BAZ2B: variants seen among roughly 807,000 people sequenced by gnomAD.
BAZ2B encodes the protein bromodomain adjacent to zinc finger domain protein 2B.
Under a neutral mutation model 246.0 loss-of-function variants are expected in BAZ2B, and 91 were observed. The observed-to-expected ratio is 0.37, with a 90% CI of 0.31 to 0.44. The LOEUF (loss-of-function observed/expected upper bound fraction) is 0.44. Ranked by LOEUF, BAZ2B falls within the 20% of genes least tolerant of loss-of-function variation. BAZ2B has a pLI of 1.00. For synonymous variants in BAZ2B, 855 were observed against 860.0 expected, an observed-to-expected ratio of 0.99 and a Z score of 0.10; for missense variants, 2,332 against 2,533.7, an observed-to-expected ratio of 0.92 and a Z score of 1.71.
At chr2:159,419,214 C>T (rs2068295445) in intron 13 of BAZ2B, among the ~76,000 whole-genome samples, 1 of 151,994 alleles carries the variant, frequency 6.6e-6, no homozygotes, top group Non-Finnish European at 1.5e-5. Context: ...ATTTACATTA[C>T]AGATGAGAGA....
chr2:159,528,066 C>T (rs1001987103), intron 2 of BAZ2B, among the ~76,000 whole-genome samples: 1 of 152,130 alleles, frequency 6.6e-6, no homozygotes, highest in Non-Finnish European at 1.5e-5. Flanking sequence ...AAGCAGGAGA[C>T]AGGCTGTGGA....
chr2:159,654,759 C>T, the BAZ2B span, among the ~76,000 whole-genome samples: 1 of 152,018 alleles, frequency 6.6e-6, no homozygotes, highest in African/African-American at 2.4e-5. Context: ...GAGCTCAGGG[C>T]TTCAAGACCA....
At chr2:159,561,685 T>C (rs7568198) in intron 1 of BAZ2B, among the ~76,000 whole-genome samples, 18,231 of 152,234 alleles carry the variant, frequency 0.12, 1,261 homozygotes, top group Middle Eastern at 0.22. Context: ...TCAGAAACCA[T>C]AGCTGGACTG....
At chr2:159,327,791 C>T (rs1382203027) in intron 34 of BAZ2B, among the ~76,000 whole-genome samples, 7 of 152,112 alleles carry the variant, frequency 4.6e-5, no homozygotes, top group Non-Finnish European at 2.9e-5. Flanking sequence ...GGGCCAGGCG[C>T]GGTAACTCAC....
intron 2 of BAZ2B, among the ~76,000 whole-genome samples, chr2:159,546,532 T>C (rs1005256069): frequency 6.7e-6 from 1 of 149,808 alleles, no homozygotes; most frequent in Non-Finnish European, 1.5e-5. Context: ...TCTACTCAAA[T>C]GACTGCAAAA....
At chr2:159,551,275 C>T (rs534804421) in intron 2 of BAZ2B, among the ~76,000 whole-genome samples, 2 of 152,126 alleles carry the variant, frequency 1.3e-5, no homozygotes, top group East Asian at 1.9e-4. Context: ...CAAAACCATC[C>T]TGGCTAACAT....
intron 3 of BAZ2B, among the ~76,000 whole-genome samples, chr2:159,470,155 T>C (rs190882573): frequency 4.4e-4 from 67 of 152,226 alleles, no homozygotes; most frequent in African/African-American, 1.4e-3. Flanking sequence ...AATTAATCAA[T>C]GTAATTTGCC....
the BAZ2B span, among the ~76,000 whole-genome samples, chr2:159,642,834 C>T: frequency 6.6e-6 from 1 of 152,118 alleles, no homozygotes; most frequent in Non-Finnish European, 1.5e-5. Context: ...TTTCATACTC[C>T]TTTCTAAGTA....
intron 1 of BAZ2B, among the ~76,000 whole-genome samples, chr2:159,580,852 C>A (rs1441906343): frequency 6.6e-6 from 1 of 152,138 alleles, no homozygotes; most frequent in Non-Finnish European, 1.5e-5. Flanking sequence ...GTTGGGAAAA[C>A]TGGCTAGCCA....
At chr2:159,406,682 G>A (rs796251969) in intron 14 of BAZ2B, among the ~76,000 whole-genome samples, 1 of 152,096 alleles carries the variant, frequency 6.6e-6, no homozygotes, top group African/African-American at 2.4e-5. Flanking sequence ...TTGCTAACAC[G>A]TGAATCACTT....
At chr2:159,333,633 A>T (rs931930300) in intron 33 of BAZ2B, among the ~76,000 whole-genome samples, 1 of 152,180 alleles carries the variant, frequency 6.6e-6, no homozygotes, top group African/African-American at 2.4e-5. Context: ...GAAAACATGT[A>T]ACCAGAAATC....
chr2:159,613,923 T>TA (rs1238463353), intron 1 of BAZ2B, among the ~76,000 whole-genome samples: 1 of 152,176 alleles, frequency 6.6e-6, no homozygotes, highest in Non-Finnish European at 1.5e-5. Flanking sequence ...AATAAAAACT[T>TA]ACCATATAGA....
At chr2:159,450,818 C>T (rs1427067796) in intron 4 of BAZ2B, among the ~76,000 whole-genome samples, 6 of 151,456 alleles carry the variant, frequency 4.0e-5, no homozygotes, top group Non-Finnish European at 5.9e-5. Flanking sequence ...GGGCTCACTG[C>T]AACCTCCATC....
rs530065560 is a variant in BAZ2B at position 159,432,917 on chromosome 2, G to A, written c.1740C>T (p.His580=). 6.2e-7 allele frequency: 1 copy of A among 1,614,140 alleles called. No individual in the cohort carries two copies. The highest frequency in any genetic ancestry group is 2.2e-5 in the East Asian group (1 of 44,878). Residue 580 remains histidine, a synonymous_variant, in exon 9 of 37, where the codon CAC becomes CAT. Transcript: ENST00000392783. The part of the protein sequence containing the change: ...NNVNPVKTQH[H]SHPAKSLVEQ... ...CCACTAAAGATTTTGCAGGATGGGA[G>A]TGATGCTGTGTTTTTACTGGGTTTA... is the stretch of plus-strand genomic sequence containing the variant.
At chr2:159,587,687 T>C (rs1040321077) in intron 1 of BAZ2B, among the ~76,000 whole-genome samples, 7 of 152,148 alleles carry the variant, frequency 4.6e-5, no homozygotes, top group African/African-American at 1.7e-4. Flanking sequence ...GGGCTACCTT[T>C]TACATTAAAT....
intron 2 of BAZ2B, among the ~76,000 whole-genome samples, chr2:159,507,879 CTTAT>C (rs1481463813): frequency 6.6e-6 from 1 of 151,980 alleles, no homozygotes; most frequent in Non-Finnish European, 1.5e-5. Flanking sequence ...ACGTAAGTTA[CTTAT>C]TTATTTATTT....
chr2:159,588,105 G>T (rs1376038416), intron 1 of BAZ2B, among the ~76,000 whole-genome samples: 6 of 150,786 alleles, frequency 4.0e-5, no homozygotes, highest in Non-Finnish European at 1.5e-5. Context: ...AAGGCAGAAG[G>T]ATAGCTTGAG....
At chr2:159,443,411 A>G (rs887260861) in intron 6 of BAZ2B, among the ~76,000 whole-genome samples, 1 of 152,170 alleles carries the variant, frequency 6.6e-6, no homozygotes, top group Admixed American at 6.5e-5. Flanking sequence ...TGAGATAAGT[A>G]CCCCACCTCC....
chr2:159,620,771 A>G (rs1393764752), upstream of BAZ2B, among the ~76,000 whole-genome samples: 1 of 152,170 alleles, frequency 6.6e-6, no homozygotes, highest in Non-Finnish European at 1.5e-5. Flanking sequence ...GGATGTCATG[A>G]CCAAGATGAA....
Sources: allele counts gnomAD v4.1 joint callset (sites outside exome capture counted in the v4.1 genomes callset), GRCh38; gene constraint gnomAD v4.1.1; transcripts MANE v1.5; gene names NCBI Gene and HGNC (gene_info 2026-07-23, HGNC 2026-07-21).